SNTG2: variants seen among roughly 807,000 people sequenced by gnomAD.
SNTG2 encodes the protein syntrophin gamma 2.
Under a neutral mutation model 70.9 loss-of-function variants are expected in SNTG2, and 74 were observed. The ratio of observed to expected loss-of-function variants is 1.04; its 90% CI spans 0.86 to 1.27. The LOEUF is 1.27. Ranked by LOEUF, SNTG2 falls within the 50% of genes most tolerant of loss-of-function variation. SNTG2 has a pLI of 0.00. For missense variants in SNTG2, 717 were observed against 690.7 expected (o/e 1.04, Z -0.43); for synonymous variants, 278 against 273.8 (o/e 1.02, Z -0.15).
chr2:986,118 A>G (rs1661313732), intron 1 of SNTG2, among the ~76,000 whole-genome samples: 1 of 135,556 alleles, frequency 7.4e-6, no homozygotes, highest in South Asian at 2.5e-4. Context: ...AGATCAGAGG[A>G]TTTCCCATGT....
At chr2:985,942 G>C (rs891558577) in intron 1 of SNTG2, among the ~76,000 whole-genome samples, 4 of 152,218 alleles carry the variant, frequency 2.6e-5, no homozygotes, top group Middle Eastern at 3.4e-3. Flanking sequence ...TGTGTTTGGA[G>C]ACCCAACCTA....
chr2:1,111,414 C>T (rs991714536), intron 4 of SNTG2, among the ~76,000 whole-genome samples: 3 of 152,178 alleles, frequency 2.0e-5, no homozygotes, highest in Non-Finnish European at 4.4e-5. Flanking sequence ...TTTGCAGGGT[C>T]CCTGCTGTTG....
chr2:1,126,573 A>G (rs945807325), intron 4 of SNTG2, among the ~76,000 whole-genome samples: 6 of 152,136 alleles, frequency 3.9e-5, no homozygotes, highest in African/African-American at 1.2e-4. Context: ...CATGTTGGCT[A>G]TACCAGTTTA....
chr2:1,054,954 T>TTTTTGG (rs564811256), intron 1 of SNTG2, among the ~76,000 whole-genome samples: 1 of 149,934 alleles, frequency 6.7e-6, no homozygotes, highest in Admixed American at 6.6e-5. Context: ...TTTGTTTTTG[T>TTTTTGG]TTTTTTTTCC....
chr2:1,093,633 C>T (rs889498057), intron 2 of SNTG2, among the ~76,000 whole-genome samples: 6 of 152,276 alleles, frequency 3.9e-5, no homozygotes, highest in African/African-American at 1.4e-4. Context: ...AACTTTGACA[C>T]ACTGAAGTCC....
intron 1 of SNTG2, among the ~76,000 whole-genome samples, chr2:1,072,035 A>G (rs951530214): frequency 7.2e-5 from 11 of 152,218 alleles, no homozygotes; most frequent in African/African-American, 2.7e-4. Flanking sequence ...AGCCATCTTG[A>G]CAACATAAAA....
At chr2:1,159,603 T>A (rs1416508549) in intron 6 of SNTG2, among the ~76,000 whole-genome samples, 1 of 152,112 alleles carries the variant, frequency 6.6e-6, no homozygotes, top group Non-Finnish European at 1.5e-5. Context: ...GACTGGTAAT[T>A]TGTAGATATG....
chr2:1,031,164 T>C (rs1295098345), intron 1 of SNTG2, among the ~76,000 whole-genome samples: 2 of 152,164 alleles, frequency 1.3e-5, no homozygotes, highest in East Asian at 3.9e-4. Context: ...TTACTTTAGG[T>C]AGCAAATATA....
chr2:1,259,286 T>C, intron 12 of SNTG2, 84 bp from the exon 13 acceptor site: 2 of 1,144,992 alleles, frequency 1.7e-6, no homozygotes, highest in Non-Finnish European at 2.6e-6. Flanking sequence ...TGGACACACA[T>C]GCAGTCACAC....
In SNTG2 at chr2:979,891, A is replaced by T. The variant is rs1019083522; in HGVS notation, c.72+28823A>T. On this transcript the variant is annotated intron_variant, in intron 1 of 16. Transcript: ENST00000308624. ...CAAAGTTTATAGAGATTATAATTTA[A>T]GTTATGTTAAATACATTATGAAAGA... Among the ~76,000 whole-genome samples, 230 of 74,454 alleles carry T rather than the reference A, an allele frequency of 3.1e-3. 1 individual carries two copies. Among genetic ancestry groups the T allele is most frequent in the African/African-American group, 0.012 (224 of 18,732 alleles). 48.8% of individuals were successfully genotyped at this position (74,454 alleles called of 152,430 possible).
chr2:969,876 C>A (rs1427246695), intron 1 of SNTG2, among the ~76,000 whole-genome samples: 1 of 152,170 alleles, frequency 6.6e-6, no homozygotes, highest in Non-Finnish European at 1.5e-5. Flanking sequence ...CCTAATTGCT[C>A]TGGCTAGGAA....
intron 1 of SNTG2, among the ~76,000 whole-genome samples, chr2:1,064,844 A>C (rs1309604349): frequency 6.6e-6 from 1 of 152,218 alleles, no homozygotes; most frequent in Non-Finnish European, 1.5e-5. Context: ...CTCACAGGTT[A>C]AAGGAACAAG....
chr2:1,075,075 T>C (rs948065426), intron 1 of SNTG2, among the ~76,000 whole-genome samples: 6 of 152,198 alleles, frequency 3.9e-5, no homozygotes, highest in Non-Finnish European at 8.8e-5. Flanking sequence ...ATTCTCCTCA[T>C]TACAGGTGCC....
intron 1 of SNTG2, among the ~76,000 whole-genome samples, chr2:960,857 G>A (rs1183515888): frequency 6.6e-6 from 1 of 152,112 alleles, no homozygotes; most frequent in Non-Finnish European, 1.5e-5. Context: ...ATGGCTGTTG[G>A]TTCTGAAGGG....
At chr2:1,351,624 G>C (rs1106214) in intron 16 of SNTG2, among the ~76,000 whole-genome samples, 113,501 of 152,074 alleles carry the variant, frequency 0.75, 42,756 homozygotes, top group East Asian at 0.94. Flanking sequence ...GTCCTCTGTT[G>C]TCATCTACCC....
intron 12 of SNTG2, among the ~76,000 whole-genome samples, chr2:1,255,967 C>A: frequency 7.0e-6 from 1 of 141,858 alleles, no homozygotes; most frequent in South Asian, 2.2e-4. Flanking sequence ...TGTGTTAATA[C>A]ACATACGTAT....
chr2:988,196 G>A (rs1276720182), intron 1 of SNTG2, among the ~76,000 whole-genome samples: 1 of 152,244 alleles, frequency 6.6e-6, no homozygotes, highest in Non-Finnish European at 1.5e-5. Flanking sequence ...AAGACATGGG[G>A]GACCGAGGCG....
intron 1 of SNTG2, among the ~76,000 whole-genome samples, chr2:960,703 C>T (rs1660319558): frequency 6.9e-6 from 1 of 144,214 alleles, no homozygotes; most frequent in South Asian, 2.2e-4. Context: ...CTGAGGGTTC[C>T]TAGGTTCTGA....
chr2:1,339,702 G>A (rs1188933061), intron 16 of SNTG2, among the ~76,000 whole-genome samples: 1 of 152,172 alleles, frequency 6.6e-6, no homozygotes, highest in Non-Finnish European at 1.5e-5. Context: ...ATATCAAGAG[G>A]AAAATGTAAA....
Sources: gnomAD v4.1 joint callset for allele counts (sites outside exome capture counted in the v4.1 genomes callset) on GRCh38, gnomAD v4.1.1 for gene constraint, MANE v1.5 for transcripts, NCBI Gene and HGNC (gene_info 2026-07-23, HGNC 2026-07-21) for gene names.